ACSF2: variants seen among roughly 807,000 people sequenced by gnomAD.
The protein encoded by ACSF2 is acyl-CoA synthetase family member 2, also known as medium-chain acyl-CoA ligase ACSF2, mitochondrial.
A neutral mutation model predicts 79.3 loss-of-function variants in ACSF2; 52 were observed. The observed-to-expected ratio is 0.66, with a 90% CI of 0.53 to 0.83. ACSF2 has a LOEUF of 0.83. Ranked by LOEUF, ACSF2 falls within the 40% of genes least tolerant of loss-of-function variation. ACSF2 has a pLI of 0.00. For missense variants in ACSF2, 661 were observed against 803.3 expected (o/e 0.82, Z 2.14); for synonymous variants, 283 against 312.6 (o/e 0.91, Z 1.00).
chr17:50,458,788 A>G (rs2032166000), intron 1 of ACSF2, among the ~76,000 whole-genome samples: 1 of 152,230 alleles, frequency 6.6e-6, no homozygotes, highest in African/African-American at 2.4e-5. Flanking sequence ...GGGTGGCCCC[A>G]GGGCCCAGGT....
At chr17:50,464,391 G>T in intron 10 of ACSF2, 97 bp downstream of exon 10, 1 of 1,264,014 alleles carries the variant, frequency 7.9e-7, no homozygotes, top group Non-Finnish European at 1.2e-6. Flanking sequence ...ATGTTCAAAG[G>T]AGACCCTCTC....
At chr17:50,470,088 C>T (rs1033607670) in intron 10 of ACSF2, 2 of 152,774 alleles carry the variant, frequency 1.3e-5, no homozygotes, top group East Asian at 1.9e-4. Flanking sequence ...CAAACCCCAG[C>T]CGTGCCAGAG....
chr17:50,427,648 ATAT>A (rs1567832596), intron 1 of ACSF2, among the ~76,000 whole-genome samples: 1 of 152,196 alleles, frequency 6.6e-6, no homozygotes, highest in African/African-American at 2.4e-5. Context: ...CAAAGTGTAC[ATAT>A]TTTATCACAC....
intron 1 of ACSF2, among the ~76,000 whole-genome samples, chr17:50,438,766 C>T (rs991693204): frequency 6.6e-6 from 1 of 151,958 alleles, no homozygotes; most frequent in African/African-American, 2.4e-5. Flanking sequence ...GGGGTTTCAC[C>T]ATATTGGCCG....
chr17:50,453,889 C>T lies in ACSF2; in HGVS notation c.129-6788C>T, dbSNP rs187174701. Among the ~76,000 whole-genome samples, 587 of 151,798 alleles carry T rather than the reference C, an allele frequency of 3.9e-3. 5 individuals are homozygous for T. Among genetic ancestry groups the T allele is most frequent in the Non-Finnish European group, 5.7e-3 (390 of 67,940 alleles). ...TGAACTACTAGGCTCAAGAGATCTT[C>T]CTGCCTCAGCGTCCCAAGTAGCTAG... On this transcript the variant is annotated intron_variant, in intron 1 of 15. Transcript: ENST00000300441.
rs1023832773 is a variant in ACSF2 at position 50,471,367 on chromosome 17, C to T, written c.1323+232C>T. On this transcript the variant is annotated intron_variant, in intron 11 of 15. Coordinates refer to ENST00000300441, the MANE Select transcript of ACSF2 (RefSeq NM_025149.6). This position sits in a 1 kb window ranked among gnomAD's most constrained non-coding sequence, Gnocchi z 4.1. ...TGAGCGGCTGCCAGCTGAACTTCTC[C>T]GCGGCCTCCCTTCCTGTCTGAGGTG... 9.0e-5 allele frequency: 48 copies of T among 530,728 alleles called. No individual in the cohort carries two copies. Among genetic ancestry groups the T allele is most frequent in the African/African-American group, 2.1e-4 (11 of 52,338 alleles). The allele number at this position is 530,728 out of a possible 1,614,324, so 32.9% of individuals were successfully genotyped here. A position where few individuals can be genotyped will look rare whatever the true frequency, so the allele number is the denominator to read the frequency against.
In ACSF2 at chr17:50,429,788, G is replaced by C. The variant is rs565905572; in HGVS notation, c.128+3399G>C. Among the ~76,000 whole-genome samples the C allele has an allele frequency of 6.8e-5, 10 of 147,000 alleles. No individual in the cohort carries two copies. The South Asian group carries it at 2.1e-3, about 30-fold the overall frequency. On this transcript the variant is annotated intron_variant, in intron 1 of 15. Coordinates refer to ENST00000300441, the MANE Select transcript of ACSF2 (RefSeq NM_025149.6). ...CTGCCTCAGCCTCCTAAAGTGCTGGGATTACAGGCGTGAGCCACCACGCCC... is the reference window on the plus strand; with the variant it reads ...CTGCCTCAGCCTCCTAAAGTGCTGGCATTACAGGCGTGAGCCACCACGCCC...
At position 50,460,733 on chromosome 17, in the gene ACSF2, AG is replaced by A. The variant is rs766108906; in HGVS notation, c.189del (p.Cys64AlafsTer37). On this transcript the variant is annotated frameshift_variant, in exon 2 of 16. Transcript: ENST00000300441. LOFTEE classifies it high-confidence loss of function. The part of the protein sequence containing the change: ...STPIGGLSYV[Q>X]GCTKKHLNSK... Reference sequence around the variant, plus strand: ...CCCATCGGAGGCCTCAGCTACGTTCAGGGGTGCACCAAAAAGCATCTTAACA... The same window carrying A: ...CCCATCGGAGGCCTCAGCTACGTTCAGGGTGCACCAAAAAGCATCTTAACA... The A allele has an allele frequency of 6.2e-7, 1 of 1,613,466 alleles. No individual in the cohort carries two copies.
At chr17:50,458,374 T>C (rs1282588375) in intron 1 of ACSF2, among the ~76,000 whole-genome samples, 2 of 152,178 alleles carry the variant, frequency 1.3e-5, no homozygotes, top group African/African-American at 4.8e-5. Context: ...CCCTTTCATT[T>C]TCCATGCCCC....
intron 1 of ACSF2, among the ~76,000 whole-genome samples, chr17:50,428,159 A>C (rs1915180459): frequency 6.6e-6 from 1 of 152,200 alleles, no homozygotes; most frequent in Non-Finnish European, 1.5e-5. Context: ...ACTGCACTCT[A>C]GCCTGAGCAG....
chr17:50,452,781 C>T (rs2031758145), intron 1 of ACSF2, among the ~76,000 whole-genome samples: 1 of 152,180 alleles, frequency 6.6e-6, no homozygotes, highest in Admixed American at 6.5e-5. Flanking sequence ...GTTTATGCTT[C>T]CTCTTTCGAA....
In ACSF2 at chr17:50,463,138, C is replaced by G; in HGVS notation, c.793-18C>G. ...GAGATGAGAAGGAGGCCAAGCCATG[C>G]CCTGTTTGCCTTGTCAGGGGACAAC... On this transcript the variant is annotated intron_variant, in intron 6 of 15. Transcript: ENST00000300441. This position sits in a 1 kb window ranked among gnomAD's most constrained non-coding sequence, Gnocchi z 4.6. 6.2e-7 allele frequency: 1 copy of G among 1,607,994 alleles called. No individual in the cohort carries two copies.
rs547524403 is a variant in ACSF2 at position 50,474,640 on chromosome 17, A to G, written c.*88A>G. On this transcript the variant is annotated 3_prime_UTR_variant, in exon 16 of 16. Coordinates refer to ENST00000300441, the MANE Select transcript of ACSF2 (RefSeq NM_025149.6). This position sits in a 1 kb window ranked among gnomAD's most constrained non-coding sequence, Gnocchi z 4.2. ...CTTTATGCACCTAGATGTCCCCAGCACCCAGTTCTGAGCCAGGCACATCAA... is the reference window on the plus strand; with the variant it reads ...CTTTATGCACCTAGATGTCCCCAGCGCCCAGTTCTGAGCCAGGCACATCAA... 18 of 1,350,372 alleles carry G rather than the reference A, an allele frequency of 1.3e-5. 1 individual carries two copies. The South Asian group carries it at 2.1e-4, about 16-fold the overall frequency. The allele number at this position is 1,350,372 out of a possible 1,614,324, so 83.6% of individuals were successfully genotyped here.
Position 50,426,396 on chromosome 17 carries a change from G to C in ACSF2, c.128+7G>C, listed in dbSNP as rs1914981363. 1 of 1,329,154 alleles carries C rather than the reference G, an allele frequency of 7.5e-7. No individual in the cohort carries two copies. Among genetic ancestry groups the C allele is most frequent in the Non-Finnish European group, 9.7e-7 (1 of 1,032,838 alleles). The allele number at this position is 1,329,154 out of a possible 1,614,324, so 82.3% of individuals were successfully genotyped here. A position where few individuals can be genotyped will look rare whatever the true frequency, so the allele number is the denominator to read the frequency against. On this transcript the variant is annotated splice_region_variant and intron_variant, in intron 1 of 15. Transcript: ENST00000300441. ...AGGGTGTCCGCTTCCTCAGGTACTG[G>C]CCCCCCGCGGGAAGAGAGGGGGCGG...
chr17:50,465,758 G>A, intron 10 of ACSF2: 1 of 1,613,856 alleles, frequency 6.2e-7, no homozygotes, highest in Non-Finnish European at 8.5e-7. Context: ...ATTGGTAAGG[G>A]CGAGGGTCTC....
rs1360117221 is a variant in ACSF2 at position 50,430,660 on chromosome 17, G to C, written c.128+4271G>C. On this transcript the variant is annotated intron_variant, in intron 1 of 15. Coordinates refer to ENST00000300441, the MANE Select transcript of ACSF2 (RefSeq NM_025149.6). ...AACCTGGGCGACAGAGCGAGACTCT[G>C]TCTCTAAATAAATAAATAAATGAAA... Among the ~76,000 whole-genome samples the C allele has an allele frequency of 2.0e-5, 3 of 152,154 alleles. No homozygotes were observed. In the East Asian group the frequency reaches 5.8e-4, roughly 29 times the overall value.
intron 3 of ACSF2, 97 bp from the exon 4 acceptor site, chr17:50,461,536 C>T: frequency 6.3e-7 from 1 of 1,594,332 alleles, no homozygotes; most frequent in Non-Finnish European, 8.6e-7. Flanking sequence ...AGTTAGGGGG[C>T]TGTAGAGTGC....
At chr17:50,462,805 C>T (rs1422438802) in intron 6 of ACSF2, 14 of 612,042 alleles carry the variant, frequency 2.3e-5, no homozygotes, top group East Asian at 5.6e-5. Flanking sequence ...CTCTTGTTCC[C>T]GGTGCAGTGG....
At chr17:50,468,445 G>A (rs1407454955) in intron 10 of ACSF2, 1 of 1,614,116 alleles carries the variant, frequency 6.2e-7, no homozygotes, top group Non-Finnish European at 8.5e-7. Flanking sequence ...AGGTCAGCTC[G>A]GTCAGGTCGT....
Sources: gnomAD v4.1 joint callset for allele counts (sites outside exome capture counted in the v4.1 genomes callset) on GRCh38, gnomAD v4.1.1 for gene constraint, Gnocchi (gnomAD v3.1) non-coding constraint, MANE v1.5 for transcripts, NCBI Gene and HGNC (gene_info 2026-07-23, HGNC 2026-07-21) for gene names.